Variants in CACNA1A observed in about 807,000 individuals in gnomAD.
CACNA1A encodes the protein voltage-dependent P/Q-type calcium channel subunit alpha-1A.
In CACNA1A, 57 loss-of-function variants were observed where a neutral mutation model predicts 262.4. The observed-to-expected ratio is 0.22, with a 90% CI of 0.18 to 0.27. CACNA1A has a LOEUF of 0.27. Ranked by LOEUF, CACNA1A falls within the 10% of genes least tolerant of loss-of-function variation. CACNA1A has a pLI of 1.00. For missense variants in CACNA1A, 2,526 were observed against 3,562.8 expected (o/e 0.71, Z 7.41); for synonymous variants, 1,431 against 1,419.3 (o/e 1.01, Z -0.18).
In CACNA1A at chr19:13,438,153, C is replaced by T. The variant is rs111753671; in HGVS notation, c.539+14723G>A. Among the ~76,000 whole-genome samples the T allele has an allele frequency of 3.2e-3, 482 of 152,262 alleles. 1 individual carries two copies. The highest frequency in any genetic ancestry group is 0.011 in the African/African-American group (452 of 41,534). On this transcript the variant is annotated intron_variant, in intron 3 of 46. Transcript: ENST00000360228. Reference sequence around the variant, plus strand: ...CTGTGCAAGTGACACAGTAATGACACGTCATCTACATTGATTGCTGAGGGT... The same window carrying T: ...CTGTGCAAGTGACACAGTAATGACATGTCATCTACATTGATTGCTGAGGGT...
intron 3 of CACNA1A, among the ~76,000 whole-genome samples, chr19:13,383,829 T>C (rs1227228110): frequency 1.3e-5 from 2 of 152,188 alleles, no homozygotes; most frequent in Non-Finnish European, 2.9e-5. Context: ...TATTTATTTA[T>C]TTTTAAGACA....
chr19:13,246,795 T>G (rs1172726791), intron 30 of CACNA1A, among the ~76,000 whole-genome samples: 1 of 152,080 alleles, frequency 6.6e-6, no homozygotes, highest in Non-Finnish European at 1.5e-5. Context: ...CTGGCTAATT[T>G]TTTGTATTTT....
At chr19:13,213,677 T>TTTC (rs2054898063) in intron 40 of CACNA1A, 1 of 68,404 alleles carries the variant, frequency 1.5e-5, no homozygotes, top group Non-Finnish European at 2.9e-5. Flanking sequence ...AAGAACTTTT[T>TTTC]TTTTTTTTTT....
chr19:13,445,526 T>C (rs2060794562), intron 3 of CACNA1A, among the ~76,000 whole-genome samples: 1 of 152,184 alleles, frequency 6.6e-6, no homozygotes, highest in African/African-American at 2.4e-5. Flanking sequence ...TGAGCATTTA[T>C]TATGTGAAAG....
intron 3 of CACNA1A, among the ~76,000 whole-genome samples, chr19:13,438,727 T>C (rs984724204): frequency 9.2e-5 from 14 of 152,222 alleles, no homozygotes; most frequent in African/African-American, 2.7e-4. Context: ...TGCTTGTCAT[T>C]ATAAGCCACT....
chr19:13,336,382 T>C (rs929532286), intron 6 of CACNA1A, among the ~76,000 whole-genome samples: 2 of 152,128 alleles, frequency 1.3e-5, no homozygotes, highest in Non-Finnish European at 2.9e-5. Flanking sequence ...TCCTCAAGTG[T>C]CTCCCTGCTC....
At chr19:13,280,672 G>C (rs1455052168) in intron 22 of CACNA1A, among the ~76,000 whole-genome samples, 1 of 152,046 alleles carries the variant, frequency 6.6e-6, no homozygotes, top group Non-Finnish European at 1.5e-5. Context: ...CGGGCGTGGT[G>C]GCTCACGCCT....
intron 6 of CACNA1A, among the ~76,000 whole-genome samples, chr19:13,341,529 C>T (rs1167660851): frequency 6.6e-6 from 1 of 152,222 alleles, no homozygotes; most frequent in East Asian, 1.9e-4. Flanking sequence ...TTTTCCCTCG[C>T]TCATTCGGTT....
intron 3 of CACNA1A, among the ~76,000 whole-genome samples, chr19:13,392,427 A>T (rs950123541): frequency 2.0e-5 from 3 of 152,302 alleles, no homozygotes; most frequent in Non-Finnish European, 4.4e-5. Context: ...ATGTCTTCCA[A>T]ATAGAGGTGA....
chr19:13,350,780 G>C (rs879476713), intron 6 of CACNA1A, among the ~76,000 whole-genome samples: 2 of 152,176 alleles, frequency 1.3e-5, no homozygotes, highest in African/African-American at 2.4e-5. Context: ...GGGGTGGGAG[G>C]ATCACTAGAG....
At chr19:13,228,504 A>C (rs2055549808) in intron 36 of CACNA1A, 1 of 199,920 alleles carries the variant, frequency 5.0e-6, no homozygotes, top group South Asian at 1.9e-4. Context: ...AATATGTTCC[A>C]TGCTTTATCG....
At chr19:13,351,214 A>T (rs1374376600) in intron 6 of CACNA1A, among the ~76,000 whole-genome samples, 1 of 152,218 alleles carries the variant, frequency 6.6e-6, no homozygotes, top group Admixed American at 6.5e-5. Context: ...AGGGGAGATT[A>T]GTCTCCACCT....
chr19:13,307,909 T>C, intron 14 of CACNA1A, 55 bp from the exon 15 acceptor site: 4 of 1,507,058 alleles, frequency 2.7e-6, no homozygotes, highest in Non-Finnish European at 2.8e-6. Flanking sequence ...GCTCTGAGGG[T>C]GTGGCTCAGT....
At chr19:13,262,711 A>C (rs1600198230) in intron 25 of CACNA1A, 23 bp downstream of exon 25, 1 of 1,484,334 alleles carries the variant, frequency 6.7e-7, no homozygotes, top group African/African-American at 1.4e-5. Flanking sequence ...CCCCCACCGC[A>C]CCCCACCATC....
At chr19:13,377,932 A>C (rs1000122243) in intron 3 of CACNA1A, among the ~76,000 whole-genome samples, 1 of 152,116 alleles carries the variant, frequency 6.6e-6, no homozygotes, top group Non-Finnish European at 1.5e-5. Context: ...GTTCAAGACC[A>C]GTCTGGGCAA....
At chr19:13,231,910 A>G in intron 34 of CACNA1A, 50 bp from the exon 35 acceptor site, 1 of 1,566,924 alleles carries the variant, frequency 6.4e-7, no homozygotes, top group Non-Finnish European at 8.7e-7. Flanking sequence ...CTGACTGGGT[A>G]CCAACGCCTC....
intron 11 of CACNA1A, among the ~76,000 whole-genome samples, chr19:13,314,280 T>C (rs1047915837): frequency 2.6e-5 from 4 of 152,176 alleles, no homozygotes; most frequent in Admixed American, 6.5e-5. Context: ...ATGAATTTCA[T>C]ATAGCTAATT....
At chr19:13,323,510 G>A (rs1376855249) in intron 10 of CACNA1A, among the ~76,000 whole-genome samples, 1 of 152,036 alleles carries the variant, frequency 6.6e-6, no homozygotes, top group Non-Finnish European at 1.5e-5. Context: ...CGCCCAGGGT[G>A]GAGTGCAGTG....
chr19:13,245,671 C>CTTTT lies in CACNA1A; in HGVS notation c.4867-410_4867-407dup, dbSNP rs763446754. ...ACCCATTTTCTTTTTCTTTCTTTCTCTTTTTTTTTTTTTTTTTTGAGATGG... is the reference window on the plus strand; with the variant it reads ...ACCCATTTTCTTTTTCTTTCTTTCTCTTTTTTTTTTTTTTTTTTTTTTGAGATGG... On this transcript the variant is annotated intron_variant, in intron 30 of 46. Coordinates refer to ENST00000360228, the MANE Select transcript of CACNA1A (RefSeq NM_001127222.2). 4.5e-3 allele frequency: 523 copies of CTTTT among 115,864 alleles called. 5 individuals are homozygous for CTTTT. Among genetic ancestry groups the CTTTT allele is most frequent in the Non-Finnish European group, 7.1e-3 (387 of 54,502 alleles). The allele number at this position is 115,864 out of a possible 1,614,324, so 7.2% of individuals were successfully genotyped here. A position where few individuals can be genotyped will look rare whatever the true frequency, so the allele number is the denominator to read the frequency against.
Sources: gnomAD v4.1 joint callset for allele counts (sites outside exome capture counted in the v4.1 genomes callset) on GRCh38, gnomAD v4.1.1 for gene constraint, MANE v1.5 for transcripts, NCBI Gene and HGNC (gene_info 2026-07-23, HGNC 2026-07-21) for gene names.